Variants in RHOA observed in about 807,000 individuals in gnomAD.
RHOA encodes ras homolog family member A, also known as transforming protein RhoA.
Under a neutral mutation model 17.5 loss-of-function variants are expected in RHOA, and 3 were observed. The ratio of observed to expected loss-of-function variants is 0.17; its 90% CI spans 0.08 to 0.44. The LOEUF is 0.44. RHOA is among the 20% of genes least tolerant of loss of function. The pLI, the probability that RHOA is intolerant of heterozygous loss-of-function variation, is 0.99. For missense variants in RHOA, 56 were observed against 242.3 expected, an observed-to-expected ratio of 0.23 and a Z score of 5.10; for synonymous variants, 98 against 88.4, an observed-to-expected ratio of 1.11 and a Z score of -0.61.
At chr3:49,400,918 C>G (rs375978761) in intron 1 of RHOA, among the ~76,000 whole-genome samples, 112 of 150,482 alleles carry the variant, frequency 7.4e-4, no homozygotes, top group Non-Finnish European at 1.2e-3. Context: ...TAGTGGCGGG[C>G]GCCTGTAGTC....
intron 4 of RHOA, 80 bp from the exon 5 acceptor site, chr3:49,360,462 A>G: frequency 6.9e-7 from 1 of 1,445,166 alleles, no homozygotes; most frequent in Non-Finnish European, 9.3e-7. Context: ...AAATTCATCT[A>G]AAAGATTTTT....
intron 2 of RHOA, among the ~76,000 whole-genome samples, chr3:49,375,001 T>G (rs2048203523): frequency 6.6e-6 from 1 of 151,730 alleles, no homozygotes; most frequent in Non-Finnish European, 1.5e-5. Flanking sequence ...CTGGGCACAG[T>G]GGCTCACTCC....
intron 1 of RHOA, among the ~76,000 whole-genome samples, chr3:49,387,263 T>A (rs1203150603): frequency 5.3e-5 from 7 of 131,722 alleles, no homozygotes; most frequent in Non-Finnish European, 1.1e-4. Flanking sequence ...GCTAATATGG[T>A]GAAACCCCAT....
intron 1 of RHOA, among the ~76,000 whole-genome samples, chr3:49,398,134 G>C (rs928591314): frequency 2.6e-5 from 4 of 152,064 alleles, no homozygotes; most frequent in African/African-American, 4.8e-5. Flanking sequence ...GCTGAGGTGG[G>C]CAGATCACTT....
At chr3:49,395,032 G>A (rs1369202794) in intron 1 of RHOA, among the ~76,000 whole-genome samples, 5 of 151,662 alleles carry the variant, frequency 3.3e-5, no homozygotes, top group African/African-American at 7.3e-5. Flanking sequence ...GGCAGATCAC[G>A]AGGTCAGGAG....
chr3:49,399,975 C>A (rs949700679), intron 1 of RHOA, among the ~76,000 whole-genome samples: 1 of 151,896 alleles, frequency 6.6e-6, no homozygotes. Flanking sequence ...AATCCCAGCA[C>A]GTTGGGAGGC....
intron 3 of RHOA, among the ~76,000 whole-genome samples, chr3:49,364,420 A>G (rs1447933879): frequency 6.6e-6 from 1 of 150,736 alleles, no homozygotes; most frequent in Non-Finnish European, 1.5e-5. Flanking sequence ...GGGAGGCGGA[A>G]GTTGCAGTGA....
intron 4 of RHOA, 149 bp from the exon 5 acceptor site, chr3:49,360,531 G>T: frequency 1.3e-6 from 1 of 746,952 alleles, no homozygotes; most frequent in Non-Finnish European, 2.1e-6. Context: ...GCAATGGCAT[G>T]ATCTCAGCTG....
intron 1 of RHOA, among the ~76,000 whole-genome samples, chr3:49,376,644 CAAAAAAAA>C (rs963176937): frequency 4.6e-5 from 2 of 43,836 alleles, no homozygotes; most frequent in Non-Finnish European, 5.1e-5. Context: ...CTCCATCTCA[CAAAAAAAA>C]AAAAAAAAAA....
chr3:49,375,854 CTT>C (rs979542555), intron 1 of RHOA, among the ~76,000 whole-genome samples: 1 of 147,992 alleles, frequency 6.8e-6, no homozygotes, highest in African/African-American at 2.5e-5. Flanking sequence ...CTTGCCACTT[CTT>C]TTTTTTTTTG....
chr3:49,390,319 G>C (rs143367135), intron 1 of RHOA, among the ~76,000 whole-genome samples: 32 of 151,324 alleles, frequency 2.1e-4, no homozygotes, highest in African/African-American at 7.5e-4. Context: ...AGTTTTAGTA[G>C]AGACGGGGAA....
intron 1 of RHOA, among the ~76,000 whole-genome samples, chr3:49,387,677 G>T (rs1205925495): frequency 6.7e-6 from 1 of 149,798 alleles, no homozygotes; most frequent in Non-Finnish European, 1.5e-5. Flanking sequence ...CCCGGGAGCA[G>T]AGGTTGCAGT....
In RHOA at chr3:49,362,491, C is replaced by G; in HGVS notation, c.408+5G>C. ...ACTACAAGACAGTCCTGCCCCAGAT[C>G]ATGCCTGCTTCATCTTGGCTAGCTC... On this transcript the variant is annotated splice_donor_5th_base_variant and intron_variant, in intron 4 of 4. Transcript: ENST00000418115. 1 of 1,608,326 alleles carries G rather than the reference C, an allele frequency of 6.2e-7. No individual in the cohort carries two copies. Among genetic ancestry groups the G allele is most frequent in the Non-Finnish European group, 8.5e-7 (1 of 1,176,964 alleles).
At chr3:49,403,540 C>T (rs2048762349) in intron 1 of RHOA, among the ~76,000 whole-genome samples, 1 of 150,940 alleles carries the variant, frequency 6.6e-6, no homozygotes, top group African/African-American at 2.4e-5. Context: ...ATAGTGAGAC[C>T]CCTCTCTCTA....
intron 1 of RHOA, among the ~76,000 whole-genome samples, chr3:49,410,470 C>T (rs1171932717): frequency 1.3e-5 from 2 of 152,156 alleles, no homozygotes; most frequent in Non-Finnish European, 2.9e-5. Flanking sequence ...CAAGGTGCAC[C>T]TTATATATTT....
intron 3 of RHOA, among the ~76,000 whole-genome samples, chr3:49,368,017 C>T (rs2048087248): frequency 6.6e-6 from 1 of 152,060 alleles, no homozygotes; most frequent in Admixed American, 6.6e-5. Flanking sequence ...TCAAACGATT[C>T]TCCTGCCTCA....
At chr3:49,396,002 CAA>C (rs996175278) in intron 1 of RHOA, among the ~76,000 whole-genome samples, 8 of 151,976 alleles carry the variant, frequency 5.3e-5, no homozygotes, top group African/African-American at 1.9e-4. Context: ...GTGATCTAGC[CAA>C]AGAGTGCCAC....
chr3:49,391,110 T>G (rs2048495398), intron 1 of RHOA, among the ~76,000 whole-genome samples: 1 of 150,234 alleles, frequency 6.7e-6, no homozygotes, highest in Non-Finnish European at 1.5e-5. Context: ...CCCAGCTACT[T>G]GGGAGGATGA....
intron 1 of RHOA, among the ~76,000 whole-genome samples, chr3:49,396,458 C>T (rs1297178792): frequency 3.3e-5 from 5 of 151,814 alleles, no homozygotes; most frequent in Non-Finnish European, 5.9e-5. Context: ...ACCTGTAATC[C>T]CAGTACTTTG....
Sources: allele counts gnomAD v4.1 joint callset (sites outside exome capture counted in the v4.1 genomes callset), GRCh38; gene constraint gnomAD v4.1.1; transcripts MANE v1.5; gene names NCBI Gene and HGNC (gene_info 2026-07-23, HGNC 2026-07-21).